The following ARHGAP26 variants were observed in gnomAD, a reference collection of about 807,000 sequenced individuals.
ARHGAP26 encodes the protein rho GTPase-activating protein 26.
Under a neutral mutation model 104.8 loss-of-function variants are expected in ARHGAP26, and 38 were observed. That is an observed-to-expected ratio of 0.36 (90% CI 0.28 to 0.48). The LOEUF is 0.48. Ranked by LOEUF, ARHGAP26 falls within the 20% of genes least tolerant of loss-of-function variation. The pLI is 0.99. For synonymous variants in ARHGAP26, 341 were observed against 340.0 expected (o/e 1.00, Z -0.03); for missense variants, 704 against 947.9 (o/e 0.74, Z 3.38).
intron 7 of ARHGAP26, among the ~76,000 whole-genome samples, chr5:142,902,929 G>T (rs191703102): frequency 2.4e-4 from 36 of 152,312 alleles, no homozygotes; most frequent in Admixed American, 1.2e-3. Flanking sequence ...TCGCAGAGGG[G>T]GAAATAGAGC....
chr5:143,143,451 CG>C (rs796081401), intron 19 of ARHGAP26, among the ~76,000 whole-genome samples: 39 of 152,222 alleles, frequency 2.6e-4, no homozygotes, highest in African/African-American at 9.2e-4. Flanking sequence ...AATTATTCTG[CG>C]GCTTTCCTTT....
chr5:143,021,202 G>A (rs191746394), intron 12 of ARHGAP26, among the ~76,000 whole-genome samples: 22 of 152,246 alleles, frequency 1.4e-4, no homozygotes, highest in Non-Finnish European at 2.2e-4. Context: ...TTTTGTCAAT[G>A]TCAGTATGAA....
At chr5:142,990,067 T>C (rs550172748) in intron 11 of ARHGAP26, among the ~76,000 whole-genome samples, 7 of 152,352 alleles carry the variant, frequency 4.6e-5, no homozygotes, top group African/African-American at 1.7e-4. Context: ...TTGGTTCCAT[T>C]CTCCCCATCA....
intron 1 of ARHGAP26, among the ~76,000 whole-genome samples, chr5:142,793,194 G>GCAACCCTGGA (rs1760218772): frequency 2.0e-5 from 3 of 150,174 alleles, no homozygotes; most frequent in African/African-American, 7.4e-5. Flanking sequence ...TGGTCGCCAA[G>GCAACCCTGGA]CAACCCTGGA....
intron 22 of ARHGAP26, chr5:143,216,247 C>G (rs1810336544): frequency 2.1e-6 from 1 of 471,326 alleles, no homozygotes; most frequent in Non-Finnish European, 4.4e-6. Context: ...CGGGCACCTC[C>G]ACCTCTCACC....
At chr5:142,959,293 G>C (rs756420522) in intron 11 of ARHGAP26, among the ~76,000 whole-genome samples, 4 of 152,216 alleles carry the variant, frequency 2.6e-5, no homozygotes, top group Non-Finnish European at 4.4e-5. Flanking sequence ...TTTTCTGTCA[G>C]TGTAACCAGC....
At chr5:142,968,189 T>G (rs1771706018) in intron 11 of ARHGAP26, among the ~76,000 whole-genome samples, 1 of 152,162 alleles carries the variant, frequency 6.6e-6, no homozygotes. Flanking sequence ...TCCCTCAGTT[T>G]ACAGTTTTGG....
intron 19 of ARHGAP26, among the ~76,000 whole-genome samples, chr5:143,136,932 C>T (rs1797980695): frequency 6.6e-6 from 1 of 152,128 alleles, no homozygotes; most frequent in Non-Finnish European, 1.5e-5. Context: ...AGTTTGAGGC[C>T]TCCTGACACA....
chr5:142,891,350 G>A (rs1239389091), intron 5 of ARHGAP26, among the ~76,000 whole-genome samples: 4 of 152,064 alleles, frequency 2.6e-5, no homozygotes, highest in African/African-American at 9.7e-5. Flanking sequence ...AGATTGGTTT[G>A]ATCCAGCAGT....
chr5:143,015,183 A>AT (rs1422559743), intron 12 of ARHGAP26, among the ~76,000 whole-genome samples: 1 of 152,204 alleles, frequency 6.6e-6, no homozygotes, highest in East Asian at 1.9e-4. Context: ...CAAGGGAAAA[A>AT]TTTCAAGTAA....
intron 5 of ARHGAP26, among the ~76,000 whole-genome samples, chr5:142,893,225 C>T (rs1758952783): frequency 6.6e-6 from 1 of 152,134 alleles, no homozygotes; most frequent in African/African-American, 2.4e-5. Flanking sequence ...ATCCGCCCAC[C>T]TCGGCCTCCC....
chr5:143,078,468 T>G (rs1789353872), intron 17 of ARHGAP26, among the ~76,000 whole-genome samples: 1 of 152,150 alleles, frequency 6.6e-6, no homozygotes. Flanking sequence ...TGGACACTGA[T>G]GGACCGTGCT....
At chr5:143,139,553 A>G (rs889110208) in intron 19 of ARHGAP26, among the ~76,000 whole-genome samples, 2 of 152,228 alleles carry the variant, frequency 1.3e-5, no homozygotes, top group Non-Finnish European at 2.9e-5. Flanking sequence ...CAGTTGAACC[A>G]TATTGAATGG....
At chr5:143,221,352 A>G (rs557857788) in intron 22 of ARHGAP26, among the ~76,000 whole-genome samples, 1 of 151,996 alleles carries the variant, frequency 6.6e-6, no homozygotes, top group African/African-American at 2.4e-5. Flanking sequence ...AGAGAACAGG[A>G]AAGAAAACTA....
At chr5:142,985,655 C>A (rs1251511494) in intron 11 of ARHGAP26, among the ~76,000 whole-genome samples, 25 of 123,610 alleles carry the variant, frequency 2.0e-4, no homozygotes, top group Non-Finnish European at 3.2e-4. Flanking sequence ...TCCCTCCCCC[C>A]TCCCCCCCAC....
intron 20 of ARHGAP26, among the ~76,000 whole-genome samples, chr5:143,167,859 T>A (rs1562541583): frequency 2.0e-5 from 3 of 152,220 alleles, no homozygotes; most frequent in Non-Finnish European, 4.4e-5. Context: ...AGCTTTTTTT[T>A]AACTCTCTCT....
At chr5:143,002,653 A>G (rs1217562610) in intron 11 of ARHGAP26, among the ~76,000 whole-genome samples, 1 of 152,228 alleles carries the variant, frequency 6.6e-6, no homozygotes, top group Non-Finnish European at 1.5e-5. Flanking sequence ...TGCACTTGAT[A>G]GCAAATGAGC....
At chr5:142,861,349 C>CA (rs1753305367) in intron 1 of ARHGAP26, among the ~76,000 whole-genome samples, 1 of 149,080 alleles carries the variant, frequency 6.7e-6, no homozygotes, top group African/African-American at 2.5e-5. Context: ...TGGCTAGGTC[C>CA]GTTTTTTTTT....
chr5:143,073,727 G>A (rs1186820468), intron 17 of ARHGAP26, among the ~76,000 whole-genome samples: 2 of 152,178 alleles, frequency 1.3e-5, no homozygotes, highest in African/African-American at 4.8e-5. Flanking sequence ...CTGTCTAGAA[G>A]GGTAGCCATC....
Sources: gnomAD v4.1 joint callset for allele counts (sites outside exome capture counted in the v4.1 genomes callset) on GRCh38, gnomAD v4.1.1 for gene constraint, MANE v1.5 for transcripts, NCBI Gene and HGNC (gene_info 2026-07-23, HGNC 2026-07-21) for gene names.